The following PTPRR variants were observed in gnomAD, a reference collection of about 807,000 sequenced individuals.
The protein encoded by PTPRR is protein tyrosine phosphatase receptor type R.
A neutral mutation model predicts 77.2 loss-of-function variants in PTPRR; 38 were observed. That is an observed-to-expected ratio of 0.49 (90% confidence interval 0.38 to 0.65). The LOEUF is 0.65. Among genes scored for constraint, PTPRR ranks in the 30% least tolerant of loss-of-function variants. The pLI is 0.00. For synonymous variants in PTPRR, 299 were observed against 283.1 expected, an observed-to-expected ratio of 1.06 and a Z score of -0.57; for missense variants, 744 against 799.2, an observed-to-expected ratio of 0.93 and a Z score of 0.83.
intron 6 of PTPRR, among the ~76,000 whole-genome samples, chr12:70,708,369 C>T (rs1228833658): frequency 6.6e-6 from 1 of 152,052 alleles, no homozygotes; most frequent in Non-Finnish European, 1.5e-5. Flanking sequence ...CTATATTAAA[C>T]AGGAGTCTGA....
At chr12:70,711,722 A>G (rs2136816444) in intron 6 of PTPRR, among the ~76,000 whole-genome samples, 1 of 152,212 alleles carries the variant, frequency 6.6e-6, no homozygotes, top group South Asian at 2.1e-4. Flanking sequence ...AAATTTTTAC[A>G]TTTATGCCAA....
chr12:70,801,599 C>A (rs1447106024), intron 2 of PTPRR, among the ~76,000 whole-genome samples: 4 of 152,198 alleles, frequency 2.6e-5, no homozygotes, highest in African/African-American at 9.7e-5. Flanking sequence ...ACAACTTAAA[C>A]TTGTATCATC....
Position 70,903,774 on chromosome 12 carries a change from T to C in PTPRR, c.59-10797A>G, listed in dbSNP as rs182683700. Among the ~76,000 whole-genome samples the C allele has an allele frequency of 3.0e-3, 453 of 151,822 alleles. 6 individuals are homozygous for C. Among genetic ancestry groups the C allele is most frequent in the Non-Finnish European group, 4.3e-3 (293 of 67,790 alleles). ...AAGAAATTTGCTCTGTGAAAGATAC[T>C]GTTAAGAAAGGGAGAAAGCTAGCTA... On this transcript the variant is annotated intron_variant, in intron 1 of 13. Coordinates refer to ENST00000283228, the MANE Select transcript of PTPRR (RefSeq NM_002849.4).
intron 2 of PTPRR, among the ~76,000 whole-genome samples, chr12:70,786,977 A>G (rs1197646035): frequency 6.6e-6 from 1 of 152,204 alleles, no homozygotes; most frequent in Non-Finnish European, 1.5e-5. Context: ...GGTTCTTTCA[A>G]CTGAAGAAGG....
rs776866226 is a variant in PTPRR at position 70,701,258 on chromosome 12, G to A, written c.1073C>T (p.Ser358Phe). 9 of 1,613,776 alleles carry A rather than the reference G, an allele frequency of 5.6e-6. No homozygotes were observed. The African/African-American group carries it at 1.1e-4, about 19-fold the overall frequency. Residue 358 changes from serine to phenylalanine, a missense_variant, in exon 7 of 14, where the codon TCT becomes TTT. Ser to Phe is a radical substitution (Grantham distance 155). This residue lies in a region of PTPRR where 570 missense variants were observed against 573.2 expected (regional missense o/e 0.99). Transcript: ENST00000283228. ...TACCTTCTCCCGTGGTGTTGGTATA[G>A]ACACAAAGGGTTCAATGTTCCCCAA... Reference protein sequence around the residue: ...SSLGNIEPFVSIPTPREKVAM... With the variant: ...SSLGNIEPFVFIPTPREKVAM...
rs1306747923 is a variant in PTPRR, at chr12:70,701,250, T to C, written c.1081A>G (p.Thr361Ala). Residue 361 changes from threonine to alanine, a missense_variant, in exon 7 of 14, where the codon ACA (threonine) becomes GCA (alanine). Coordinates refer to ENST00000283228, the MANE Select transcript of PTPRR (RefSeq NM_002849.4). Reference sequence around the variant, plus strand: ...TCCATTGCTACCTTCTCCCGTGGTGTTGGTATAGACACAAAGGGTTCAATG... The same window carrying C: ...TCCATTGCTACCTTCTCCCGTGGTGCTGGTATAGACACAAAGGGTTCAATG... ...GNIEPFVSIPTPREKVAMEYL... is the reference protein window; with the variant it reads ...GNIEPFVSIPAPREKVAMEYL... 2 of 1,613,842 alleles carry C rather than the reference T, an allele frequency of 1.2e-6. No individual in the cohort carries two copies. The highest frequency in any genetic ancestry group is 1.7e-6 in the Non-Finnish European group (2 of 1,179,928).
chr12:70,646,625 T>G (rs929848597), intron 13 of PTPRR, among the ~76,000 whole-genome samples: 2 of 152,192 alleles, frequency 1.3e-5, no homozygotes, highest in African/African-American at 2.4e-5. Context: ...ATCTCAGGAA[T>G]TATAATGTCA....
intron 6 of PTPRR, among the ~76,000 whole-genome samples, chr12:70,711,763 T>C (rs1888836954): frequency 6.6e-6 from 1 of 152,190 alleles, no homozygotes; most frequent in Non-Finnish European, 1.5e-5. Flanking sequence ...TACCCTTTAA[T>C]ATCTATCTGA....
At chr12:70,900,278 T>C (rs925086205) in intron 1 of PTPRR, among the ~76,000 whole-genome samples, 3 of 151,530 alleles carry the variant, frequency 2.0e-5, no homozygotes, top group Admixed American at 2.0e-4. Context: ...TGAGGTAGTG[T>C]AGTGTTGGCA....
intron 2 of PTPRR, among the ~76,000 whole-genome samples, chr12:70,832,377 A>G (rs1513110): frequency 0.23 from 34,463 of 152,140 alleles, 6,700 homozygotes; most frequent in African/African-American, 0.53. Context: ...TTAAAAATGT[A>G]CAATCTTCTG....
At chr12:70,803,854 G>A (rs1489184791) in intron 2 of PTPRR, among the ~76,000 whole-genome samples, 1 of 152,150 alleles carries the variant, frequency 6.6e-6, no homozygotes, top group Non-Finnish European at 1.5e-5. Context: ...CCACTAAGGT[G>A]TGCATGCATG....
At chr12:70,914,210 T>C (rs971620797) in intron 1 of PTPRR, among the ~76,000 whole-genome samples, 3 of 152,142 alleles carry the variant, frequency 2.0e-5, no homozygotes, top group African/African-American at 7.2e-5. Context: ...AAAGGAAATT[T>C]TGTCTTAGTG....
intron 2 of PTPRR, among the ~76,000 whole-genome samples, chr12:70,827,709 CTTTTTTTTT>C (rs869285373): frequency 1.6e-5 from 1 of 63,870 alleles, no homozygotes; most frequent in African/African-American, 9.5e-5. Flanking sequence ...CCACACCTGG[CTTTTTTTTT>C]TTTTTTTTTT....
Position 70,892,878 on chromosome 12 carries a change from C to T in PTPRR, c.158G>A (p.Ser53Asn), listed in dbSNP as rs1205601399. ...GATTTTTTGTGGGGCTATATCCAGG[C>T]TCTTCTCAATGTCTTGTGAATGCTT... ...IYKHSQDIEKSLDIAPQKIYR... is the reference protein window; with the variant it reads ...IYKHSQDIEKNLDIAPQKIYR... Residue 53 changes from serine (S) to asparagine (N), a missense_variant, in exon 2 of 14, where the codon AGC (serine) becomes AAC (asparagine). Physicochemically the swap from Ser to Asn is conservative, Grantham distance 46 (BLOSUM62 1). Transcript: ENST00000283228. The T allele has an allele frequency of 6.2e-7, 1 of 1,613,398 alleles. No homozygotes were observed. The highest frequency in any genetic ancestry group is 8.5e-7 in the Non-Finnish European group (1 of 1,179,618).
chr12:70,677,393 T>C (rs998357031), intron 10 of PTPRR, among the ~76,000 whole-genome samples: 2 of 152,144 alleles, frequency 1.3e-5, no homozygotes, highest in Non-Finnish European at 2.9e-5. Flanking sequence ...CCTTTCCGAT[T>C]TTGCCTTTTA....
chr12:70,699,606 C>T (rs1052769711), intron 7 of PTPRR, among the ~76,000 whole-genome samples: 1 of 152,222 alleles, frequency 6.6e-6, no homozygotes, highest in Admixed American at 6.5e-5. Context: ...GCCACAACAC[C>T]TGGCCCCAAG....
At chr12:70,824,202 G>A (rs528175532) in intron 2 of PTPRR, among the ~76,000 whole-genome samples, 19 of 152,094 alleles carry the variant, frequency 1.2e-4, no homozygotes, top group South Asian at 2.1e-4. Flanking sequence ...TTGTAGTTGC[G>A]TAATTATAAA....
intron 2 of PTPRR, among the ~76,000 whole-genome samples, chr12:70,798,770 C>G (rs995058087): frequency 2.9e-5 from 4 of 138,592 alleles, no homozygotes; most frequent in African/African-American, 1.1e-4. Context: ...ATCACATTCT[C>G]TATCTCAGTA....
At chr12:70,732,465 G>C (rs931899228) in intron 6 of PTPRR, among the ~76,000 whole-genome samples, 2 of 152,228 alleles carry the variant, frequency 1.3e-5, no homozygotes, top group Non-Finnish European at 2.9e-5. Context: ...ACAGCTCCAA[G>C]GGGCTCCCTC....
Sources: gnomAD v4.1 joint callset for allele counts (sites outside exome capture counted in the v4.1 genomes callset) on GRCh38, gnomAD v4.1.1 for gene constraint, gnomAD v4.1.1 regional missense constraint, MANE v1.5 for transcripts, NCBI Gene and HGNC (gene_info 2026-07-23, HGNC 2026-07-21) for gene names.